The following SNRPD3 variants were observed in gnomAD, a reference collection of about 807,000 sequenced individuals.
SNRPD3 encodes small nuclear ribonucleoprotein D3 polypeptide, also known as small nuclear ribonucleoprotein Sm D3.
For synonymous variants in SNRPD3, 66 were observed against 58.4 expected, an observed-to-expected ratio of 1.13 and a Z score of -0.59; for missense variants, 73 against 167.5, an observed-to-expected ratio of 0.44 and a Z score of 3.11.
rs1467545713 is a variant in SNRPD3, at chr22:24,563,204, A to ATGTGTGTGTG, written c.127-4779_127-4778insGTGTGTGTGT. ...GCAACACAGTGAGACCCTGTCTCAT[A>ATGTGTGTGTG]TATGTGTGTGTGTGTGTGTGTGTGT... On this transcript the variant is annotated intron_variant, in intron 2 of 3. Transcript: ENST00000215829. Among the ~76,000 whole-genome samples the ATGTGTGTGTG allele has an allele frequency of 7.3e-4, 73 of 99,430 alleles. 2 individuals carry two copies. Among genetic ancestry groups the ATGTGTGTGTG allele is most frequent in the South Asian group, 5.0e-3 (15 of 2,992 alleles). 65.2% of individuals were successfully genotyped at this position (99,430 alleles called of 152,430 possible).
At chr22:24,570,949 A>G (rs1040821451) in intron 3 of SNRPD3, among the ~76,000 whole-genome samples, 4 of 151,040 alleles carry the variant, frequency 2.6e-5, no homozygotes, top group African/African-American at 9.7e-5. Context: ...CTCCCAAGTA[A>G]CTGGGATTAC....
rs1163890294 is a variant in SNRPD3 at position 24,574,213 on chromosome 22, T to C, written c.*2236T>C. 6.6e-6 allele frequency among the ~76,000 whole-genome samples: 1 copy of C among 152,220 alleles called. No homozygotes were observed. Among genetic ancestry groups the C allele is most frequent in the Non-Finnish European group, 1.5e-5 (1 of 68,040 alleles). On this transcript the variant is annotated 3_prime_UTR_variant, in exon 4 of 4. Coordinates refer to ENST00000215829, the MANE Select transcript of SNRPD3 (RefSeq NM_004175.5). ...AAGCGACTTTTGATGTAGTTCACTCTGGACCCGTACAGGAACACCAGCCTT... is the reference window on the plus strand; with the variant it reads ...AAGCGACTTTTGATGTAGTTCACTCCGGACCCGTACAGGAACACCAGCCTT...
Position 24,572,109 on chromosome 22 carries a change from A to C in SNRPD3, c.*132A>C, listed in dbSNP as rs2045255805. 4.7e-6 allele frequency: 7 copies of C among 1,499,890 alleles called. No individual in the cohort carries two copies. Among genetic ancestry groups the C allele is most frequent in the Non-Finnish European group, 5.5e-6 (6 of 1,100,498 alleles). The allele number at this position is 1,499,890 out of a possible 1,614,324, so 92.9% of individuals were successfully genotyped here. A position where few individuals can be genotyped will look rare whatever the true frequency, so the allele number is the denominator to read the frequency against. On this transcript the variant is annotated 3_prime_UTR_variant, in exon 4 of 4. Transcript: ENST00000215829. The stretch of plus-strand genomic sequence containing the variant: ...TTAGATCAGGGGAAATGTTTAAGCT[A>C]AATAAATCTGGGGGGTTTTTTGTTC...
intron 1 of SNRPD3, 132 bp from the exon 2 acceptor site, chr22:24,557,525 C>A: frequency 1.8e-6 from 1 of 550,352 alleles, no homozygotes; most frequent in Non-Finnish European, 3.1e-6. Context: ...TTTTTTTTTC[C>A]TTGGTAGAAA....
chr22:24,555,886 C>G (rs1375068374), upstream of SNRPD3: 3 of 1,510,228 alleles, frequency 2.0e-6, no homozygotes, highest in African/African-American at 2.8e-5. Context: ...AGCCGGCAGG[C>G]GGAGTGAGGA....
intron 2 of SNRPD3, among the ~76,000 whole-genome samples, chr22:24,559,034 G>T (rs984755689): frequency 1.3e-5 from 2 of 152,186 alleles, no homozygotes; most frequent in African/African-American, 4.8e-5. Context: ...AGCTGTATGT[G>T]TGCCATAGCT....
chr22:24,561,855 C>T (rs973911672), intron 2 of SNRPD3, among the ~76,000 whole-genome samples: 6 of 151,502 alleles, frequency 4.0e-5, no homozygotes, highest in Non-Finnish European at 5.9e-5. Flanking sequence ...ATAAAATAGA[C>T]GGATGTGGTG....
intron 2 of SNRPD3, among the ~76,000 whole-genome samples, chr22:24,560,014 C>T (rs1013257720): frequency 1.3e-5 from 2 of 150,316 alleles, no homozygotes; most frequent in Admixed American, 1.3e-4. Context: ...CCAGATTCTT[C>T]TTATAAGGAT....
At chr22:24,567,732 G>A (rs760852900) in intron 2 of SNRPD3, among the ~76,000 whole-genome samples, 3 of 144,622 alleles carry the variant, frequency 2.1e-5, no homozygotes, top group Non-Finnish European at 4.6e-5. Flanking sequence ...GGCAACAAGA[G>A]TGAAACTCCA....
chr22:24,568,525 T>C (rs2045217295), intron 3 of SNRPD3, among the ~76,000 whole-genome samples: 1 of 151,076 alleles, frequency 6.6e-6, no homozygotes, highest in Non-Finnish European at 1.5e-5. Context: ...ATTTTTAATT[T>C]ATTTTTATTT....
At chr22:24,560,462 T>A (rs2045124782) in intron 2 of SNRPD3, among the ~76,000 whole-genome samples, 1 of 41,898 alleles carries the variant, frequency 2.4e-5, no homozygotes, top group African/African-American at 8.7e-5. Flanking sequence ...TTTTTTTTTT[T>A]TTTTGAGAGT....
chr22:24,569,442 G>A (rs2045228156), intron 3 of SNRPD3, among the ~76,000 whole-genome samples: 1 of 152,194 alleles, frequency 6.6e-6, no homozygotes, highest in Non-Finnish European at 1.5e-5. Flanking sequence ...TGCTGTACAT[G>A]TTTTATATGT....
Position 24,572,760 on chromosome 22 carries a change from CAA to C in SNRPD3, c.*794_*795del. ...TGGGTGACAGAGCGAGACTGCACCTCAAAAAAAAAAAAGTAATTCAGGGGATC... is the reference window on the plus strand; with the variant it reads ...TGGGTGACAGAGCGAGACTGCACCTCAAAAAAAAAAGTAATTCAGGGGATC... On this transcript the variant is annotated 3_prime_UTR_variant, in exon 4 of 4. Coordinates refer to ENST00000215829, the MANE Select transcript of SNRPD3 (RefSeq NM_004175.5). 4 of 138,474 alleles carry C rather than the reference CAA, an allele frequency of 2.9e-5. No homozygotes were observed. Among genetic ancestry groups the C allele is most frequent in the Non-Finnish European group, 6.3e-5 (4 of 63,508 alleles). 8.6% of individuals were successfully genotyped at this position (138,474 alleles called of 1,614,324 possible).
At position 24,570,815 on chromosome 22, in the gene SNRPD3, C is replaced by CTTTT. The variant is rs10705174; in HGVS notation, c.320-1083_320-1080dup. Among the ~76,000 whole-genome samples, 15 of 106,666 alleles carry CTTTT rather than the reference C, an allele frequency of 1.4e-4. 1 individual carries two copies. Among genetic ancestry groups the CTTTT allele is most frequent in the African/African-American group, 3.9e-4 (12 of 31,124 alleles). The allele number at this position is 106,666 out of a possible 152,430, so 70.0% of individuals were successfully genotyped here. A position where few individuals can be genotyped will look rare whatever the true frequency, so the allele number is the denominator to read the frequency against. On this transcript the variant is annotated intron_variant, in intron 3 of 3. Coordinates refer to ENST00000215829, the MANE Select transcript of SNRPD3 (RefSeq NM_004175.5). ...TTCTTTTTGCTACTATGAAATAATT[C>CTTTT]TTTTTTTTTTTTTTTTTTTTTGGAG...
chr22:24,556,064 C>T lies in SNRPD3; in HGVS notation c.-26C>T, dbSNP rs1164775143. 1.7e-6 allele frequency: 1 copy of T among 603,926 alleles called. No individual in the cohort carries two copies. Among genetic ancestry groups the T allele is most frequent in the African/African-American group, 1.9e-5 (1 of 53,930 alleles). The allele number at this position is 603,926 out of a possible 1,614,324, so 37.4% of individuals were successfully genotyped here. A position where few individuals can be genotyped will look rare whatever the true frequency, so the allele number is the denominator to read the frequency against. On this transcript the variant is annotated 5_prime_UTR_variant, in exon 1 of 4. Coordinates refer to ENST00000215829, the MANE Select transcript of SNRPD3 (RefSeq NM_004175.5). The stretch of plus-strand genomic sequence containing the variant: ...CGGACCGAAGAGAAGAAAAGTAGGC[C>T]AGAGCCGGTGAGGCTGGGGACGGGC...
At chr22:24,569,384 A>G (rs2045227723) in intron 3 of SNRPD3, among the ~76,000 whole-genome samples, 1 of 152,214 alleles carries the variant, frequency 6.6e-6, no homozygotes, top group Non-Finnish European at 1.5e-5. Flanking sequence ...TTGGTAAAAA[A>G]GGTTTGCAGC....
At chr22:24,567,544 C>T (rs553293791) in intron 2 of SNRPD3, among the ~76,000 whole-genome samples, 1 of 152,192 alleles carries the variant, frequency 6.6e-6, no homozygotes, top group African/African-American at 2.4e-5. Context: ...GTCAGGAGTT[C>T]GAGACCAGCC....
chr22:24,557,698 A>G lies in SNRPD3; in HGVS notation c.24A>G (p.Lys8=). The stretch of plus-strand genomic sequence containing the variant: ...AGATGTCTATTGGTGTGCCGATTAA[A>G]GTACTGCATGAGGCCGAGGGCCACA... MSIGVPI[K]VLHEAEGHIV... The change falls in exon 2 of 4, where the codon AAA becomes AAG. Residue 8 remains lysine (K), a synonymous_variant. Coordinates refer to ENST00000215829, the MANE Select transcript of SNRPD3 (RefSeq NM_004175.5). 6.2e-7 allele frequency: 1 copy of G among 1,613,174 alleles called. No individual in the cohort carries two copies.
chr22:24,564,599 A>G (rs151006522), intron 2 of SNRPD3, among the ~76,000 whole-genome samples: 1 of 152,314 alleles, frequency 6.6e-6, no homozygotes, highest in East Asian at 1.9e-4. Context: ...AGCAGTAGTG[A>G]GCCTGGTTGT....
Sources: allele counts gnomAD v4.1 joint callset (sites outside exome capture counted in the v4.1 genomes callset), GRCh38; gene constraint gnomAD v4.1.1; transcripts MANE v1.5; gene names NCBI Gene and HGNC (gene_info 2026-07-23, HGNC 2026-07-21).